The following DNAH12 variants were observed in gnomAD, a reference collection of about 807,000 sequenced individuals.
DNAH12 encodes axonemal beta dynein heavy chain 12.
DNAH12 carries 285 observed loss-of-function variants against 371.5 expected under a neutral mutation model. The observed-to-expected ratio is 0.77, with a 90% CI of 0.70 to 0.85. The LOEUF (loss-of-function observed/expected upper bound fraction) is 0.85. Ranked by LOEUF, DNAH12 falls within the 40% of genes least tolerant of loss-of-function variation. DNAH12 has a pLI of 0.00. For missense variants in DNAH12, 3,611 were observed against 3,689.4 expected, an observed-to-expected ratio of 0.98 and a Z score of 0.55; for synonymous variants, 1,200 against 1,213.0, an observed-to-expected ratio of 0.99 and a Z score of 0.22.
At chr3:57,503,394 G>T (rs1025876155) in intron 9 of DNAH12, among the ~76,000 whole-genome samples, 3 of 144,360 alleles carry the variant, frequency 2.1e-5, no homozygotes, top group Non-Finnish European at 3.0e-5. Flanking sequence ...TTTATTATTG[G>T]TTTTTTTTTT....
chr3:57,296,398 T>C lies in DNAH12; in HGVS notation c.11570A>G (p.Asp3857Gly), dbSNP rs549623371. Reference protein sequence around the residue: ...PSDTSDTSPEDGVYIHGLYLD... With the variant: ...PSDTSDTSPEGGVYIHGLYLD... ...ATACAGTCCGTGGATATAAACACCATCTTCTGGTGATGTGTCAGATGTATC... is the reference window on the plus strand; with the variant it reads ...ATACAGTCCGTGGATATAAACACCACCTTCTGGTGATGTGTCAGATGTATC... Residue 3857 changes from aspartate (D) to glycine (G), a missense_variant, in exon 72 of 74, where the codon GAT (aspartate) becomes GGT (glycine). Asp to Gly is a moderately conservative substitution (Grantham distance 94, BLOSUM62 -1). Around this residue, in one of 3 missense-constraint regions of DNAH12, gnomAD observed 2,266 missense variants for 2,236.9 expected, o/e 1.01. Coordinates refer to ENST00000495027, the MANE Select transcript of DNAH12 (RefSeq NM_001366028.2). 2 of 1,550,888 alleles carry C rather than the reference T, an allele frequency of 1.3e-6. No individual in the cohort carries two copies. Among genetic ancestry groups the C allele is most frequent in the African/African-American group, 1.4e-5 (1 of 72,958 alleles).
chr3:57,521,446 T>C (rs2068438812), intron 4 of DNAH12, among the ~76,000 whole-genome samples: 2 of 151,970 alleles, frequency 1.3e-5, no homozygotes, highest in Admixed American at 6.6e-5. Flanking sequence ...GAGGATCACT[T>C]GAGCCCAGGA....
In DNAH12 at chr3:57,295,506, T is replaced by C; in HGVS notation, c.11692+19A>G. 6.5e-7 allele frequency: 1 copy of C among 1,542,838 alleles called. No individual in the cohort carries two copies. Among genetic ancestry groups the C allele is most frequent in the Non-Finnish European group, 8.8e-7 (1 of 1,142,578 alleles). On this transcript the variant is annotated intron_variant, in intron 73 of 73. Coordinates refer to ENST00000495027, the MANE Select transcript of DNAH12 (RefSeq NM_001366028.2). Reference sequence around the variant, plus strand: ...ATTCTCCCTAAACTTCAAATAAATTTTGTTGAGAGAATATTTACTTGGTTT... The same window carrying C: ...ATTCTCCCTAAACTTCAAATAAATTCTGTTGAGAGAATATTTACTTGGTTT...
chr3:57,383,651 T>C (rs1210807348), intron 49 of DNAH12, among the ~76,000 whole-genome samples: 1 of 91,922 alleles, frequency 1.1e-5, no homozygotes, highest in East Asian at 3.9e-4. Context: ...GGAAGCTGAG[T>C]TGGGGTGGGG....
chr3:57,388,914 G>A (rs2063551349), intron 45 of DNAH12, among the ~76,000 whole-genome samples: 1 of 140,702 alleles, frequency 7.1e-6, no homozygotes, highest in Non-Finnish European at 1.5e-5. Flanking sequence ...TGGGGTTGGG[G>A]GAGGGGGGAG....
intron 70 of DNAH12, among the ~76,000 whole-genome samples, chr3:57,301,401 A>G (rs1357684825): frequency 6.6e-6 from 1 of 151,950 alleles, no homozygotes; most frequent in East Asian, 1.9e-4. Context: ...TCTTGGTCTC[A>G]GAAAACCACA....
intron 11 of DNAH12, among the ~76,000 whole-genome samples, chr3:57,492,731 G>A (rs982894071): frequency 3.3e-5 from 5 of 152,076 alleles, no homozygotes; most frequent in Admixed American, 6.6e-5. Flanking sequence ...TAATGAAGCC[G>A]GGTGCAGTGG....
chr3:57,522,362 T>C (rs941833285), intron 4 of DNAH12, among the ~76,000 whole-genome samples: 23 of 152,240 alleles, frequency 1.5e-4, no homozygotes. Context: ...AGTGAATGAC[T>C]GTATGCCTGG....
At chr3:57,384,079 C>T (rs943486608) in intron 49 of DNAH12, among the ~76,000 whole-genome samples, 7 of 152,112 alleles carry the variant, frequency 4.6e-5, no homozygotes, top group Non-Finnish European at 8.8e-5. Flanking sequence ...TGTTATCTCT[C>T]CTGCTGTGCT....
Position 57,469,064 on chromosome 3 carries a change from T to A in DNAH12, c.2106-85A>T, listed in dbSNP as rs919102074. 3.3e-5 allele frequency: 44 copies of A among 1,313,576 alleles called. No homozygotes were observed. The Admixed American group carries it at 1.3e-3, about 40-fold the overall frequency. 81.4% of individuals were successfully genotyped at this position (1,313,576 alleles called of 1,614,324 possible). A position where few individuals can be genotyped will look rare whatever the true frequency, so the allele number is the denominator to read the frequency against. On this transcript the variant is annotated intron_variant, in intron 16 of 73. Coordinates refer to ENST00000495027, the MANE Select transcript of DNAH12 (RefSeq NM_001366028.2). ...AGATCCTTTAGGCTAGACCCCTTGT[T>A]TTTTAAGAGAGAAAAATGAGGGCAA...
chr3:57,438,665 C>A (rs1343431987), intron 29 of DNAH12, among the ~76,000 whole-genome samples: 1 of 151,982 alleles, frequency 6.6e-6, no homozygotes, highest in Non-Finnish European at 1.5e-5. Flanking sequence ...ATCAAGAATG[C>A]AATCCGGCCG....
intron 2 of DNAH12, among the ~76,000 whole-genome samples, chr3:57,540,941 A>C (rs764751273): frequency 1.3e-5 from 2 of 152,060 alleles, no homozygotes; most frequent in Non-Finnish European, 2.9e-5. Flanking sequence ...AAAAGAAAAA[A>C]AAAAAGGAAC....
At chr3:57,534,779 G>A (rs1489429825) in intron 2 of DNAH12, among the ~76,000 whole-genome samples, 1 of 152,142 alleles carries the variant, frequency 6.6e-6, no homozygotes, top group Non-Finnish European at 1.5e-5. Context: ...AAAGTGCTGG[G>A]ATTACAGGTG....
intron 66 of DNAH12, among the ~76,000 whole-genome samples, chr3:57,311,681 A>T (rs2061587531): frequency 6.6e-6 from 1 of 152,138 alleles, no homozygotes. Context: ...TACACAGGAG[A>T]GCTGCCCACA....
At chr3:57,443,934 T>G (rs955171996) in intron 29 of DNAH12, among the ~76,000 whole-genome samples, 5 of 152,332 alleles carry the variant, frequency 3.3e-5, no homozygotes, top group Admixed American at 6.5e-5. Flanking sequence ...CCAGGCACAG[T>G]GGCTCACACC....
rs1481277846 is a variant in DNAH12, at chr3:57,462,861, A to G, written c.2364T>C (p.Thr788=). 1 of 1,551,092 alleles carries G rather than the reference A, an allele frequency of 6.4e-7. No homozygotes were observed. The highest frequency in any genetic ancestry group is 8.7e-7 in the Non-Finnish European group (1 of 1,146,808). The part of the protein sequence containing the change: ...QIKAFKEYIP[T]VSILCNPGMR... ...TTCCTGGATTGCACAGAATGGAGACAGTAGGAATATATTCCTAATGGCAAA... is the reference window on the plus strand; with the variant it reads ...TTCCTGGATTGCACAGAATGGAGACGGTAGGAATATATTCCTAATGGCAAA... The change falls in exon 18 of 74, where the codon ACT becomes ACC. Residue 788 remains threonine, a synonymous_variant. Transcript: ENST00000495027.
At chr3:57,337,735 A>G (rs2062262293) in intron 60 of DNAH12, among the ~76,000 whole-genome samples, 3 of 152,164 alleles carry the variant, frequency 2.0e-5, no homozygotes, top group African/African-American at 7.2e-5. Flanking sequence ...AGCAATTATT[A>G]TTAGATCTAA....
chr3:57,325,989 C>T (rs977843977), intron 62 of DNAH12, among the ~76,000 whole-genome samples: 2 of 151,422 alleles, frequency 1.3e-5, no homozygotes, highest in East Asian at 1.9e-4. Context: ...TGAAATGAAG[C>T]GAGAAGGGAA....
chr3:57,436,363 A>G (rs1252926155), intron 30 of DNAH12, among the ~76,000 whole-genome samples: 6 of 152,204 alleles, frequency 3.9e-5, no homozygotes, highest in Non-Finnish European at 7.3e-5. Flanking sequence ...TTTAAACTCT[A>G]TTAGTTTCAC....
Sources: gnomAD v4.1 joint callset for allele counts (sites outside exome capture counted in the v4.1 genomes callset) on GRCh38, gnomAD v4.1.1 for gene constraint, gnomAD v4.1.1 regional missense constraint, MANE v1.5 for transcripts, NCBI Gene and HGNC (gene_info 2026-07-23, HGNC 2026-07-21) for gene names.